SCRIB: variants seen among roughly 807,000 people sequenced by gnomAD.
SCRIB encodes protein scribble homolog.
Under a neutral mutation model 170.0 loss-of-function variants are expected in SCRIB, and 72 were observed. The ratio of observed to expected loss-of-function variants is 0.42; its 90% confidence interval spans 0.35 to 0.52. SCRIB has a LOEUF of 0.52. SCRIB is among the 20% of genes least tolerant of loss of function. The pLI is 0.02. For missense variants in SCRIB, 2,475 were observed against 2,338.5 expected (o/e 1.06, Z -1.20); for synonymous variants, 1,298 against 1,044.3 (o/e 1.24, Z -4.68).
rs888203493 is a variant in SCRIB at position 143,815,614 on chromosome 8, G to A, written c.-242C>T. 1.3e-5 allele frequency: 13 copies of A among 982,324 alleles called. 1 individual carries two copies. The highest frequency in any genetic ancestry group is 1.6e-5 in the Non-Finnish European group (13 of 828,618). 60.9% of individuals were successfully genotyped at this position (982,324 alleles called of 1,614,324 possible). ...GGGTCTCAGACTCTTAGGAAGCGCGGGGAGCGGCGGCGGCGGCGGCTCCGC... is the reference window on the plus strand; with the variant it reads ...GGGTCTCAGACTCTTAGGAAGCGCGAGGAGCGGCGGCGGCGGCGGCTCCGC... On this transcript the variant is annotated 5_prime_UTR_variant, in exon 1 of 37. Coordinates refer to ENST00000356994, the MANE Select transcript of SCRIB (RefSeq NM_182706.5).
intron 27 of SCRIB, among the ~76,000 whole-genome samples, chr8:143,794,390 G>A (rs1213540455): frequency 6.6e-6 from 1 of 152,226 alleles, no homozygotes; most frequent in African/African-American, 2.4e-5. Context: ...AGGGCCTCCC[G>A]GAAGCCTCCC....
At position 143,792,860 on chromosome 8, in the gene SCRIB, G is replaced by C. The variant is rs782059975; in HGVS notation, c.4025C>G (p.Thr1342Arg). The change falls in exon 30 of 37, where the codon ACG becomes AGG. Residue 1342 changes from threonine to arginine, a missense_variant. Thr to Arg is a moderately conservative substitution (Grantham distance 71). Around this residue, in one of 3 missense-constraint regions of SCRIB, gnomAD observed 1,966 missense variants for 1,742.9 expected, o/e 1.13. Coordinates refer to ENST00000356994, the MANE Select transcript of SCRIB (RefSeq NM_182706.5). ...PPEDAPAQPP[T>R]PGPAASPEQL... ...CTCCGGGGAGGCTGCAGGCCCAGGC[G>C]TGGGGGGCTGGGGGGAGCGGACCTT... 1.1e-5 allele frequency: 16 copies of C among 1,519,952 alleles called. No individual in the cohort carries two copies. The highest frequency in any genetic ancestry group is 4.1e-5 in the African/African-American group (3 of 72,314). The allele number at this position is 1,519,952 out of a possible 1,614,324, so 94.2% of individuals were successfully genotyped here.
intron 24 of SCRIB, among the ~76,000 whole-genome samples, chr8:143,799,545 C>A (rs1554634627): frequency 6.6e-6 from 1 of 152,190 alleles, no homozygotes; most frequent in Non-Finnish European, 1.5e-5. Context: ...GGGCGAGTCT[C>A]TCAGACAGCG....
At chr8:143,806,328 GC>G (rs1160290421) in intron 18 of SCRIB, 78 bp downstream of exon 18, 2 of 1,183,404 alleles carry the variant, frequency 1.7e-6, no homozygotes, top group Admixed American at 4.0e-5. Context: ...GGAGAAGGCA[GC>G]CAAGCACCCT....
rs1554635592 is a variant in SCRIB, at chr8:143,803,819, G to A, written c.3242C>T (p.Pro1081Leu). ...HQEAVSALLRPCLELSLLVRR... is the reference protein window; with the variant it reads ...HQEAVSALLRLCLELSLLVRR... Reference sequence around the variant, plus strand: ...CACCAGCAGCGACAGCTCCAGGCAGGGCCGGAGCAGGGCACTGACTGCTTC... The same window carrying A: ...CACCAGCAGCGACAGCTCCAGGCAGAGCCGGAGCAGGGCACTGACTGCTTC... The change falls in exon 23 of 37, where the codon CCC (proline) becomes CTC (leucine). Residue 1081 changes from proline (P) to leucine (L), a missense_variant. Around this residue, in one of 3 missense-constraint regions of SCRIB, gnomAD observed 1,966 missense variants for 1,742.9 expected, o/e 1.13. Coordinates refer to ENST00000356994, the MANE Select transcript of SCRIB (RefSeq NM_182706.5). 6.2e-7 allele frequency: 1 copy of A among 1,603,932 alleles called. No individual in the cohort carries two copies. Among genetic ancestry groups the A allele is most frequent in the Admixed American group, 1.7e-5 (1 of 59,682 alleles).
rs1554636174 is a variant in SCRIB at position 143,805,160 on chromosome 8, G to A, written c.2622C>T (p.Phe874=). Residue 874 remains phenylalanine (F), a synonymous_variant, in exon 19 of 37, where the codon TTC becomes TTT. Coordinates refer to ENST00000356994, the MANE Select transcript of SCRIB (RefSeq NM_182706.5). ...CLARSERGLG[F]SIAGGKGSTP... ...TGGAGCCTTTCCCACCAGCAATGCTGAAGCCCAGCCCCCTCTCGCTGCGTG... is the reference window on the plus strand; with the variant it reads ...TGGAGCCTTTCCCACCAGCAATGCTAAAGCCCAGCCCCCTCTCGCTGCGTG... 1.3e-6 allele frequency: 2 copies of A among 1,577,046 alleles called. No homozygotes were observed. The highest frequency in any genetic ancestry group is 1.3e-5 in the African/African-American group (1 of 74,204).
rs1157902558 is a variant in SCRIB, at chr8:143,813,609, C to T, written c.446+28G>A. 3 of 1,612,560 alleles carry T rather than the reference C, an allele frequency of 1.9e-6. No homozygotes were observed. The African/African-American group carries it at 4.0e-5, about 22-fold the overall frequency. On this transcript the variant is annotated intron_variant, in intron 4 of 36. Coordinates refer to ENST00000356994, the MANE Select transcript of SCRIB (RefSeq NM_182706.5). ...GGGCCAATCCTGGTCCCCCACCCCA[C>T]CCTAGTTCCACCTGAGAAGGCACTC...
Position 143,804,756 on chromosome 8 carries a change from TG to T in SCRIB, c.2820del (p.Thr941ProfsTer34). On this transcript the variant is annotated frameshift_variant, in exon 21 of 37. Coordinates refer to ENST00000356994, the MANE Select transcript of SCRIB (RefSeq NM_182706.5). LOFTEE classifies it high-confidence loss of function. ...TCCCGCTCCAACAGCAGGGCGATGG[TG>T]GGGGAGGCAGCGGTCAGCAGGGAGA... ...HAVSLLTAAS[P>X]TIALLLEREA... 1 of 1,603,006 alleles carries T rather than the reference TG, an allele frequency of 6.2e-7. No homozygotes were observed.
chr8:143,809,173 G>A (rs1184314215), intron 14 of SCRIB, 148 bp from the exon 15 acceptor site: 4 of 1,119,466 alleles, frequency 3.6e-6, no homozygotes, highest in Non-Finnish European at 4.9e-6. Context: ...AGGGGCGCGT[G>A]TCTCAGCCCT....
rs1171165613 is a variant in SCRIB, at chr8:143,813,309, A to G, written c.567+2T>C. The G allele has an allele frequency of 6.2e-7, 1 of 1,613,418 alleles. No homozygotes were observed. The highest frequency in any genetic ancestry group is 8.5e-7 in the Non-Finnish European group (1 of 1,179,998). ...TCTCTGCCCTGTCAGGCCTCCACGCACCAGCACTTCCAGATCGTTGCCTCC... is the reference window on the plus strand; with the variant it reads ...TCTCTGCCCTGTCAGGCCTCCACGCGCCAGCACTTCCAGATCGTTGCCTCC... On this transcript the variant is annotated splice_donor_variant, in intron 6 of 36. Transcript: ENST00000356994. LOFTEE classifies it high-confidence loss of function.
Position 143,792,251 on chromosome 8 carries a change from C to A in SCRIB, c.4483G>T (p.Ala1495Ser). The A allele has an allele frequency of 6.4e-7, 1 of 1,572,520 alleles. No individual in the cohort carries two copies. Residue 1495 changes from alanine (A) to serine (S), a missense_variant, in exon 32 of 37, where the codon GCC (alanine) becomes TCC (serine). Physicochemically the swap from Ala to Ser is moderately conservative, Grantham distance 99 (BLOSUM62 1). Around this residue, in one of 3 missense-constraint regions of SCRIB, gnomAD observed 1,966 missense variants for 1,742.9 expected, o/e 1.13. Transcript: ENST00000356994. ...LSPAELRALE[A>S]EKRALWRAAR... The stretch of plus-strand genomic sequence containing the variant: ...GCCCTCCACAGCGCACGCTTCTCGG[C>A]CTCCAGGGCCCGGAGCTCGGCAGGG...
In SCRIB at chr8:143,813,978, C is replaced by T. The variant is rs760120887; in HGVS notation, c.277+23G>A. The T allele has an allele frequency of 1.1e-5, 18 of 1,575,180 alleles. No homozygotes were observed. In the African/African-American group the frequency reaches 2.2e-4, roughly 19 times the overall value. On this transcript the variant is annotated intron_variant, in intron 2 of 36. Transcript: ENST00000356994. Reference sequence around the variant, plus strand: ...CAGCGGACACTCCCCAGACCCCACCCAGCCCCTGCCCAGGCTCCCCACCGT... The same window carrying T: ...CAGCGGACACTCCCCAGACCCCACCTAGCCCCTGCCCAGGCTCCCCACCGT...
intron 9 of SCRIB, among the ~76,000 whole-genome samples, chr8:143,811,963 C>G (rs1815748160): frequency 6.6e-6 from 1 of 152,186 alleles, no homozygotes; most frequent in Admixed American, 6.5e-5. Flanking sequence ...TCTGTCTTCC[C>G]TACAGACAAA....
rs1014967370 is a variant in SCRIB, at chr8:143,809,728, G to T, written c.1531-10C>A. 6.2e-7 allele frequency: 1 copy of T among 1,605,918 alleles called. No homozygotes were observed. The highest frequency in any genetic ancestry group is 1.7e-5 in the Admixed American group (1 of 59,968). On this transcript the variant is annotated splice_polypyrimidine_tract_variant and intron_variant, in intron 13 of 36. Transcript: ENST00000356994. Reference sequence around the variant, plus strand: ...CACTCAGCCGCTTCTCCTGCGGCGGGAAGTGGGGTCAGGCTTCGACGGAGC... The same window carrying T: ...CACTCAGCCGCTTCTCCTGCGGCGGTAAGTGGGGTCAGGCTTCGACGGAGC...
intron 7 of SCRIB, 27 bp from the exon 8 acceptor site, chr8:143,812,988 C>A (rs370660448): frequency 1.9e-6 from 3 of 1,611,488 alleles, no homozygotes; most frequent in Non-Finnish European, 2.5e-6. Flanking sequence ...AGTCAGAGCG[C>A]GGATGGGCAC....
At position 143,812,326 on chromosome 8, in the gene SCRIB, G is replaced by A. The variant is rs4875060; in HGVS notation, c.846C>T (p.Thr282=). 1,471,530 of 1,613,410 alleles carry A rather than the reference G, an allele frequency of 0.91. 672,030 individuals are homozygous for A. The highest frequency in any genetic ancestry group is 0.98 in the East Asian group (43,915 of 44,882). ...KVDQNRLCEV[T]EAIGDCENLS... The stretch of plus-strand genomic sequence containing the variant: ...GGTTCTCACAGTCCCCGATGGCCTC[G>A]GTCACCTCGCACAGCCGATTCTGGT... Residue 282 remains threonine (T), a synonymous_variant, in exon 9 of 37, where the codon ACC becomes ACT. Coordinates refer to ENST00000356994, the MANE Select transcript of SCRIB (RefSeq NM_182706.5).
chr8:143,812,128 CAAGAG>C (rs949171056), intron 9 of SCRIB, 133 bp downstream of exon 9: 22 of 732,056 alleles, frequency 3.0e-5, no homozygotes, highest in African/African-American at 2.9e-4. Context: ...CCCCCTCTGA[CAAGAG>C]AAGAGCCCTT....
In SCRIB at chr8:143,808,912, G is replaced by A. The variant is rs771939298; in HGVS notation, c.1812C>T (p.Arg604=). The A allele has an allele frequency of 6.2e-7, 1 of 1,610,932 alleles. No homozygotes were observed. Among genetic ancestry groups the A allele is most frequent in the Non-Finnish European group, 8.5e-7 (1 of 1,179,968 alleles). Residue 604 remains arginine, a synonymous_variant, in exon 15 of 37, where the codon CGC becomes CGT. Transcript: ENST00000356994. ...TLPGGRQRLI[R]KDTPHYKKHF... is the part of the protein sequence containing the mutation. ...GCTTTTTGTAGTGAGGTGTGTCCTT[G>A]CGGATGAGCCGCTGCCTCCCGCCTG...
chr8:143,794,544 C>CAA (rs1448947904), intron 27 of SCRIB, among the ~76,000 whole-genome samples: 3 of 152,152 alleles, frequency 2.0e-5, no homozygotes, highest in African/African-American at 7.2e-5. Flanking sequence ...CCTCGGCACT[C>CAA]ACGTTCGGTG....
Sources: gnomAD v4.1 joint callset for allele counts (sites outside exome capture counted in the v4.1 genomes callset) on GRCh38, gnomAD v4.1.1 for gene constraint, gnomAD v4.1.1 regional missense constraint, MANE v1.5 for transcripts, NCBI Gene and HGNC (gene_info 2026-07-23, HGNC 2026-07-21) for gene names.